TYW1: variants seen among roughly 807,000 people sequenced by gnomAD.
TYW1 encodes the protein tRNA-yW synthesizing protein 1 homolog, also known as S-adenosyl-L-methionine-dependent tRNA 4-demethylwyosine synthase TYW1.
In TYW1, 46 loss-of-function variants were observed where a neutral mutation model predicts 96.2. The ratio of observed to expected loss-of-function variants is 0.48; its 90% CI spans 0.38 to 0.61. The LOEUF (loss-of-function observed/expected upper bound fraction) is 0.61. Among genes scored for constraint, TYW1 ranks in the 20% least tolerant of loss-of-function variants. The pLI is 0.00. For missense variants in TYW1, 684 were observed against 909.6 expected, an observed-to-expected ratio of 0.75 and a Z score of 3.19; for synonymous variants, 274 against 323.0, an observed-to-expected ratio of 0.85 and a Z score of 1.63.
chr7:67,171,704 G>T (rs10280699), intron 13 of TYW1, among the ~76,000 whole-genome samples: 42,737 of 151,872 alleles, frequency 0.28, 6,527 homozygotes, highest in African/African-American at 0.4. Context: ...TACATATTTT[G>T]GGTGAATTGG....
chr7:67,091,272 G>T (rs1333279589), intron 11 of TYW1, among the ~76,000 whole-genome samples: 3 of 151,478 alleles, frequency 2.0e-5, no homozygotes, highest in Non-Finnish European at 4.4e-5. Context: ...TAGGGACATG[G>T]ATGAAGCTGG....
chr7:67,236,029 T>C (rs1416194145), intron 15 of TYW1, among the ~76,000 whole-genome samples: 1 of 152,076 alleles, frequency 6.6e-6, no homozygotes, highest in Non-Finnish European at 1.5e-5. Context: ...AGGAGGAAAC[T>C]GCAGGGACCA....
intron 8 of TYW1, among the ~76,000 whole-genome samples, chr7:67,054,552 A>T (rs1373966561): frequency 6.6e-6 from 1 of 152,214 alleles, no homozygotes; most frequent in Non-Finnish European, 1.5e-5. Flanking sequence ...ACAGAAGAGG[A>T]TACAAGACAA....
intron 5 of TYW1, among the ~76,000 whole-genome samples, chr7:67,014,788 G>A (rs539670299): frequency 1.3e-5 from 2 of 152,302 alleles, no homozygotes; most frequent in East Asian, 3.9e-4. Flanking sequence ...GAGTGCAGTG[G>A]CACCATCTCA....
chr7:67,167,728 G>A (rs1432579189), intron 13 of TYW1, among the ~76,000 whole-genome samples: 1 of 151,406 alleles, frequency 6.6e-6, no homozygotes, highest in Non-Finnish European at 1.5e-5. Flanking sequence ...ACATGTTTGG[G>A]TCTGTTTTTA....
chr7:67,167,790 T>A (rs1799391669), intron 13 of TYW1, among the ~76,000 whole-genome samples: 1 of 152,062 alleles, frequency 6.6e-6, no homozygotes, highest in Admixed American at 6.6e-5. Context: ...AGTCTCACTC[T>A]GTCGCCCAGG....
chr7:67,239,442 T>C lies in TYW1; in HGVS notation c.*913T>C. 1 of 972,500 alleles carries C rather than the reference T, an allele frequency of 1.0e-6. No homozygotes were observed. Among genetic ancestry groups the C allele is most frequent in the Non-Finnish European group, 1.2e-6 (1 of 818,164 alleles). The allele number at this position is 972,500 out of a possible 1,614,324, so 60.2% of individuals were successfully genotyped here. A position where few individuals can be genotyped will look rare whatever the true frequency, so the allele number is the denominator to read the frequency against. On this transcript the variant is annotated 3_prime_UTR_variant, in exon 16 of 16. Transcript: ENST00000359626. ...GAAAGATCATAAATACTCAAAATTG[T>C]TTTCAAGTTAGCAAGTTCTTTTAAC...
In TYW1 at chr7:67,012,904, C is replaced by A. The variant is rs180814259; in HGVS notation, c.376-1463C>A. ...GTATATGCAGATTTAAAAAAAAAAA[C>A]CAAAACAGAAAAAAACCTCTAAAAT... On this transcript the variant is annotated intron_variant, in intron 4 of 15. Transcript: ENST00000359626. 8.4e-3 allele frequency among the ~76,000 whole-genome samples: 1,275 copies of A among 151,072 alleles called. 7 individuals are homozygous for A. The highest frequency in any genetic ancestry group is 0.012 in the Non-Finnish European group (822 of 67,764).
chr7:67,167,128 A>G (rs1276012313), intron 13 of TYW1, among the ~76,000 whole-genome samples: 1 of 152,154 alleles, frequency 6.6e-6, no homozygotes, highest in Non-Finnish European at 1.5e-5. Flanking sequence ...ACTTCAATGT[A>G]GTCAGTTTAT....
intron 7 of TYW1, among the ~76,000 whole-genome samples, chr7:67,037,404 T>G (rs2129253831): frequency 6.7e-6 from 1 of 149,264 alleles, no homozygotes; most frequent in South Asian, 2.1e-4. Context: ...CTTGGGAGAC[T>G]AAGGCAGGAG....
intron 13 of TYW1, among the ~76,000 whole-genome samples, chr7:67,126,405 A>T (rs1797915176): frequency 6.6e-6 from 1 of 151,978 alleles, no homozygotes; most frequent in Non-Finnish European, 1.5e-5. Context: ...TCTTTTGCAA[A>T]TGTGTTCTCC....
At chr7:67,147,856 A>C (rs1417422431) in intron 13 of TYW1, among the ~76,000 whole-genome samples, 1 of 152,206 alleles carries the variant, frequency 6.6e-6, no homozygotes, top group Non-Finnish European at 1.5e-5. Context: ...TTAGTAAGCT[A>C]AGCATTAAAT....
intron 13 of TYW1, among the ~76,000 whole-genome samples, chr7:67,175,416 C>T (rs1799641954): frequency 6.6e-6 from 1 of 152,204 alleles, no homozygotes; most frequent in Non-Finnish European, 1.5e-5. Flanking sequence ...GGTGATCCAC[C>T]TGCCTCAGCC....
intron 7 of TYW1, among the ~76,000 whole-genome samples, chr7:67,042,449 G>A (rs1795058015): frequency 6.6e-6 from 1 of 152,154 alleles, no homozygotes; most frequent in Admixed American, 6.6e-5. Context: ...GGAGATATGG[G>A]AGGAATAGGG....
At chr7:67,074,117 T>G (rs1354995432) in intron 10 of TYW1, among the ~76,000 whole-genome samples, 1 of 151,986 alleles carries the variant, frequency 6.6e-6, no homozygotes, top group Non-Finnish European at 1.5e-5. Flanking sequence ...AAAACCACTT[T>G]TTAGGAATAG....
rs550526688 is a variant in TYW1, at chr7:67,219,709, T to A, written c.1978-18599T>A. Among the ~76,000 whole-genome samples the A allele has an allele frequency of 4.7e-4, 71 of 149,614 alleles. 1 individual carries two copies. In the South Asian group the frequency reaches 9.6e-3, roughly 20 times the overall value. On this transcript the variant is annotated intron_variant, in intron 15 of 15. Transcript: ENST00000359626. ...AGTACACTCTTACAGTTTTTTTTTTTAAATGCAGAATTGGTAGCAAAATCA... is the reference window on the plus strand; with the variant it reads ...AGTACACTCTTACAGTTTTTTTTTTAAAATGCAGAATTGGTAGCAAAATCA...
At chr7:67,043,813 G>A (rs1014204469) in intron 7 of TYW1, among the ~76,000 whole-genome samples, 4 of 152,168 alleles carry the variant, frequency 2.6e-5, no homozygotes, top group East Asian at 1.9e-4. Flanking sequence ...CTCTTGACAC[G>A]CTTGGGCACG....
chr7:67,225,190 C>CAAAAAAAAAAAAAAAAAAAAAAAAAA (rs10600752), intron 15 of TYW1, among the ~76,000 whole-genome samples: 1 of 78,080 alleles, frequency 1.3e-5, no homozygotes. Flanking sequence ...GACTCCGTCT[C>CAAAAAAAAAAAAAAAAAAAAAAAAAA]AAAAAAAAAA....
intron 13 of TYW1, among the ~76,000 whole-genome samples, chr7:67,124,913 C>A (rs1797868351): frequency 6.6e-6 from 1 of 152,086 alleles, no homozygotes; most frequent in South Asian, 2.1e-4. Context: ...TTGCTCACTG[C>A]ACCCTCTGCC....
Sources: gnomAD v4.1 joint callset for allele counts (sites outside exome capture counted in the v4.1 genomes callset) on GRCh38, gnomAD v4.1.1 for gene constraint, MANE v1.5 for transcripts, NCBI Gene and HGNC (gene_info 2026-07-23, HGNC 2026-07-21) for gene names.